ESR2: variants seen among roughly 807,000 people sequenced by gnomAD.
ESR2 encodes estrogen receptor beta.
A neutral mutation model predicts 49.6 loss-of-function variants in ESR2; 36 were observed. The observed-to-expected ratio is 0.73, with a 90% CI of 0.56 to 0.96. The LOEUF (loss-of-function observed/expected upper bound fraction) is 0.96, where lower values mean the gene tolerates loss of function less well. Among genes scored for constraint, ESR2 ranks in the 40% least tolerant of loss-of-function variants. ESR2 has a pLI of 0.00. For missense variants in ESR2, 714 were observed against 693.0 expected, an observed-to-expected ratio of 1.03 and a Z score of -0.34; for synonymous variants, 320 against 266.1, an observed-to-expected ratio of 1.20 and a Z score of -1.97.
chr14:64,310,204 C>T (rs890250734), intron 1 of ESR2, among the ~76,000 whole-genome samples: 1 of 151,538 alleles, frequency 6.6e-6, no homozygotes, highest in African/African-American at 2.4e-5. Flanking sequence ...ATCTGGGAGG[C>T]GGAGGTTGCA....
intron 4 of ESR2, among the ~76,000 whole-genome samples, chr14:64,262,564 A>G (rs1380912172): frequency 6.6e-6 from 1 of 152,092 alleles, no homozygotes; most frequent in African/African-American, 2.4e-5. Context: ...AATCAAGAAC[A>G]CGTTACAAAA....
chr14:64,266,105 A>G (rs1045362130), intron 4 of ESR2, among the ~76,000 whole-genome samples: 1 of 152,234 alleles, frequency 6.6e-6, no homozygotes, highest in Admixed American at 6.5e-5. Flanking sequence ...TTCTGGCTAA[A>G]TACAACAACC....
chr14:64,336,240 C>T (rs1383270232), intron 1 of ESR2: 1 of 152,130 alleles, frequency 6.6e-6, no homozygotes, highest in Non-Finnish European at 1.5e-5. Context: ...GTAGGATAAA[C>T]TTCCACAGGT....
chr14:64,285,171 T>G (rs1043516816), intron 1 of ESR2, among the ~76,000 whole-genome samples: 1 of 152,146 alleles, frequency 6.6e-6, no homozygotes, highest in Non-Finnish European at 1.5e-5. Context: ...TTCTTATCAG[T>G]GCATCTGTAA....
At position 64,239,399 on chromosome 14, in the gene ESR2, T is replaced by C. The variant is rs536330034; in HGVS notation, c.1226-4249A>G. On this transcript the variant is annotated intron_variant, in intron 7 of 8. Transcript: ENST00000341099. ...CAGTGTCTCTTAATAATTTTCTTAATGTAAAATAGGATTTCCTGGCTTAAC... is the reference window on the plus strand; with the variant it reads ...CAGTGTCTCTTAATAATTTTCTTAACGTAAAATAGGATTTCCTGGCTTAAC... 3.3e-5 allele frequency among the ~76,000 whole-genome samples: 5 copies of C among 152,380 alleles called. No homozygotes were observed. The South Asian group carries it at 1.0e-3, about 32-fold the overall frequency.
At chr14:64,248,529 A>G (rs1473160024) in intron 7 of ESR2, among the ~76,000 whole-genome samples, 2 of 151,478 alleles carry the variant, frequency 1.3e-5, no homozygotes, top group Non-Finnish European at 2.9e-5. Context: ...AAAAGAAAAA[A>G]AAAAAGAAAG....
intron 7 of ESR2, among the ~76,000 whole-genome samples, chr14:64,239,067 G>A (rs2075666761): frequency 6.6e-6 from 1 of 152,226 alleles, no homozygotes; most frequent in Non-Finnish European, 1.5e-5. Context: ...AAGGGAAGAA[G>A]TCCTGGCTTT....
intron 6 of ESR2, among the ~76,000 whole-genome samples, chr14:64,256,250 C>A (rs1251233922): frequency 6.6e-6 from 1 of 152,204 alleles, no homozygotes; most frequent in African/African-American, 2.4e-5. Context: ...GTCCAGCTTT[C>A]CCTCCATAAA....
At chr14:64,227,427 C>A (rs1196044529), downstream of ESR2, 14 of 1,326,588 alleles carry the variant, frequency 1.1e-5, no homozygotes, top group East Asian at 3.2e-4. Flanking sequence ...TATTTTAACT[C>A]TTTCTTTAAA....
intron 1 of ESR2, among the ~76,000 whole-genome samples, chr14:64,328,051 C>CA (rs748229456): frequency 0.45 from 38,970 of 87,142 alleles, 7,220 homozygotes; most frequent in African/African-American, 0.58. Flanking sequence ...ACTAAAAATA[C>CA]AAAAAAAAAA....
rs778324793 is a variant in ESR2, at chr14:64,234,944, G to A, written c.1406+26C>T. 3.7e-6 allele frequency: 6 copies of A among 1,606,008 alleles called. No homozygotes were observed. In the South Asian group the frequency reaches 4.4e-5, roughly 12 times the overall value. On this transcript the variant is annotated intron_variant, in intron 8 of 8. Transcript: ENST00000341099. ...GCACATAATCCCATCCCAAGCCCAA[G>A]CAGAGCAGCTCCTTAGGGCGCGTAC...
chr14:64,324,191 T>C lies in ESR2; in HGVS notation c.-91+13707A>G, dbSNP rs1015517526. Among the ~76,000 whole-genome samples the C allele has an allele frequency of 3.9e-5, 6 of 152,212 alleles. No individual in the cohort carries two copies. The South Asian group carries it at 1.0e-3, about 26-fold the overall frequency. Reference sequence around the variant, plus strand: ...GTATCAGGTTGGTCTGTTTGACTGATAGAATATGGCAGAAGTGATGTTATG... The same window carrying C: ...GTATCAGGTTGGTCTGTTTGACTGACAGAATATGGCAGAAGTGATGTTATG... On this transcript the variant is annotated intron_variant, in intron 1 of 8. Transcript: ENST00000358599.
In ESR2 at chr14:64,260,688, TG is replaced by T; in HGVS notation, c.712del (p.Gln238SerfsTer26). ...LVRRQRSADE[Q>X]LHCAGKAKRS... ...CTTGGCCTTGCCGGCACAGTGCAGCTGCTCGTCGGCACTTCTCTGTCTCCGC... is the reference window on the plus strand; with the variant it reads ...CTTGGCCTTGCCGGCACAGTGCAGCTCTCGTCGGCACTTCTCTGTCTCCGC... On this transcript the variant is annotated frameshift_variant, in exon 5 of 9. Transcript: ENST00000341099. LOFTEE classifies it high-confidence loss of function. The T allele has an allele frequency of 1.9e-6, 3 of 1,556,592 alleles. No homozygotes were observed. Among genetic ancestry groups the T allele is most frequent in the Admixed American group, 1.9e-5 (1 of 52,808 alleles).
At chr14:64,284,880 C>T (rs8020953) in intron 1 of ESR2, among the ~76,000 whole-genome samples, 9,997 of 146,820 alleles carry the variant, frequency 0.068, 389 homozygotes, top group Non-Finnish European at 0.083. Context: ...GACGGAGTCT[C>T]GCACTGTCAC....
At chr14:64,307,799 G>T (rs2077127412) in intron 1 of ESR2, among the ~76,000 whole-genome samples, 3 of 151,954 alleles carry the variant, frequency 2.0e-5, no homozygotes, top group Admixed American at 6.5e-5. Context: ...CTCCAAAAAT[G>T]CTGGGATTAC....
intron 1 of ESR2, among the ~76,000 whole-genome samples, chr14:64,325,953 T>A (rs145865875): frequency 6.6e-6 from 1 of 151,824 alleles, no homozygotes; most frequent in East Asian, 1.9e-4. Context: ...GTAGTTAAGT[T>A]TGGGAGGAGT....
rs772723029 is a variant in ESR2, at chr14:64,249,693, T to G, written c.1092-14A>C. 140 of 1,600,846 alleles carry G rather than the reference T, an allele frequency of 8.7e-5. No homozygotes were observed. Among genetic ancestry groups the G allele is most frequent in the Non-Finnish European group, 1.1e-4 (132 of 1,172,814 alleles). On this transcript the variant is annotated splice_polypyrimidine_tract_variant and intron_variant, in intron 6 of 8. Transcript: ENST00000341099. Reference sequence around the variant, plus strand: ...TTCCCCTCATCCCTACAAAAGTTCGTTTGGAAATTTAAGGAACATAGCTTC... The same window carrying G: ...TTCCCCTCATCCCTACAAAAGTTCGGTTGGAAATTTAAGGAACATAGCTTC...
At chr14:64,227,781 A>G, downstream of ESR2, 1 of 1,538,874 alleles carries the variant, frequency 6.5e-7, no homozygotes, top group Non-Finnish European at 8.7e-7. Context: ...TCTTTCACTC[A>G]AAGCTCAGTG....
chr14:64,233,360 G>C (rs763349181), intron 8 of ESR2, 37 bp from the exon 9 acceptor site: 1 of 1,587,328 alleles, frequency 6.3e-7, no homozygotes, highest in East Asian at 2.3e-5. Flanking sequence ...TCCCTCCTCC[G>C]AGGCAGCCAC....
Sources: gnomAD v4.1 joint callset for allele counts (sites outside exome capture counted in the v4.1 genomes callset) on GRCh38, gnomAD v4.1.1 for gene constraint, MANE v1.5 for transcripts, NCBI Gene and HGNC (gene_info 2026-07-23, HGNC 2026-07-21) for gene names.